The following NBEA variants were observed in gnomAD, a reference collection of about 807,000 sequenced individuals.
NBEA encodes neurobeachin.
A neutral mutation model predicts 343.4 loss-of-function variants in NBEA; 44 were observed. The observed-to-expected ratio is 0.13, with a 90% CI of 0.10 to 0.16. The LOEUF (loss-of-function observed/expected upper bound fraction) is 0.16, where lower values mean the gene tolerates loss of function less well. Among genes scored for constraint, NBEA ranks in the 10% least tolerant of loss-of-function variants. NBEA has a pLI of 1.00. For missense variants in NBEA, 2,555 were observed against 3,631.3 expected (o/e 0.70, Z 7.62); for synonymous variants, 1,175 against 1,238.7 (o/e 0.95, Z 1.08).
intron 41 of NBEA, among the ~76,000 whole-genome samples, chr13:35,490,610 G>A (rs2076467683): frequency 6.6e-6 from 1 of 151,976 alleles, no homozygotes. Flanking sequence ...GGAACTTGAT[G>A]AAAAGTTGCA....
intron 11 of NBEA, among the ~76,000 whole-genome samples, chr13:35,098,976 G>T (rs535944384): frequency 1.3e-5 from 2 of 151,278 alleles, no homozygotes; most frequent in African/African-American, 4.9e-5. Flanking sequence ...ATCGCGTCAG[G>T]ATAAGGAGGG....
intron 38 of NBEA, among the ~76,000 whole-genome samples, chr13:35,401,777 T>C (rs1187983552): frequency 6.6e-6 from 1 of 151,764 alleles, no homozygotes; most frequent in African/African-American, 2.4e-5. Flanking sequence ...TATTTATATT[T>C]AGAATTAGAA....
At chr13:35,341,027 T>C (rs2152856580) in intron 36 of NBEA, among the ~76,000 whole-genome samples, 1 of 152,218 alleles carries the variant, frequency 6.6e-6, no homozygotes, top group African/African-American at 2.4e-5. Flanking sequence ...AGTGTGGTGC[T>C]AGTTAAAGAT....
Position 35,090,905 on chromosome 13 carries a change from A to C in NBEA, c.1572-7392A>C, listed in dbSNP as rs534773608. Among the ~76,000 whole-genome samples, 3 of 152,120 alleles carry C rather than the reference A, an allele frequency of 2.0e-5. No individual in the cohort carries two copies. The South Asian group carries it at 6.2e-4, about 32-fold the overall frequency. Reference sequence around the variant, plus strand: ...AGAGCAGAATTCACAGTGCCTTTGAACTGGAAGTGAGTTCACTATACTTTT... The same window carrying C: ...AGAGCAGAATTCACAGTGCCTTTGACCTGGAAGTGAGTTCACTATACTTTT... On this transcript the variant is annotated intron_variant, in intron 10 of 58. Transcript: ENST00000379939.
intron 30 of NBEA, among the ~76,000 whole-genome samples, 166 bp from the exon 31 acceptor site, chr13:35,195,698 G>A (rs557176819): frequency 3.9e-4 from 60 of 152,132 alleles, no homozygotes; most frequent in Middle Eastern, 6.8e-3. Context: ...TGTCTGGCTG[G>A]ATGATATCTT....
intron 36 of NBEA, among the ~76,000 whole-genome samples, chr13:35,318,997 T>C (rs113989654): frequency 0.014 from 2,154 of 152,278 alleles, 52 homozygotes; most frequent in African/African-American, 0.049. Context: ...TCTGTTTTCT[T>C]TTTTATTATT....
chr13:35,417,984 C>T (rs541760154), intron 38 of NBEA, among the ~76,000 whole-genome samples: 1 of 152,268 alleles, frequency 6.6e-6, no homozygotes, highest in Admixed American at 6.5e-5. Flanking sequence ...GATCCCTTTA[C>T]CATTATGTAA....
At position 35,660,636 on chromosome 13, in the gene NBEA, C is replaced by G. The variant is rs1469186047; in HGVS notation, c.8363-4449C>G. Reference sequence around the variant, plus strand: ...CCTCCTGCCAGCCACAACCTGTCACCAAACATCTGCCAAATCACATCCCTC... The same window carrying G: ...CCTCCTGCCAGCCACAACCTGTCACGAAACATCTGCCAAATCACATCCCTC... On this transcript the variant is annotated intron_variant, in intron 55 of 58. Transcript: ENST00000379939. 2.6e-5 allele frequency among the ~76,000 whole-genome samples: 4 copies of G among 152,274 alleles called. No individual in the cohort carries two copies. The East Asian group carries it at 7.7e-4, about 29-fold the overall frequency.
intron 34 of NBEA, among the ~76,000 whole-genome samples, chr13:35,260,539 G>C (rs964194166): frequency 5.3e-5 from 8 of 152,202 alleles, no homozygotes; most frequent in African/African-American, 1.9e-4. Context: ...GGAATTTCCA[G>C]TAAATCACAG....
intron 41 of NBEA, among the ~76,000 whole-genome samples, chr13:35,482,631 A>C (rs549329921): frequency 1.1e-4 from 17 of 151,862 alleles, no homozygotes; most frequent in South Asian, 2.1e-4. Flanking sequence ...GATTAAAAAA[A>C]AAAAAGTGGG....
chr13:35,346,053 G>A (rs543805111), intron 36 of NBEA, among the ~76,000 whole-genome samples: 1 of 151,952 alleles, frequency 6.6e-6, no homozygotes, highest in African/African-American at 2.4e-5. Flanking sequence ...CCCAAGATAG[G>A]GGAACAGACT....
At chr13:35,446,027 T>A (rs2152940958) in intron 39 of NBEA, among the ~76,000 whole-genome samples, 1 of 151,320 alleles carries the variant, frequency 6.6e-6, no homozygotes, top group East Asian at 2.0e-4. Flanking sequence ...CCAAGTGTTC[T>A]CATTGTTCAA....
At chr13:35,658,069 A>G (rs2084904114) in intron 55 of NBEA, among the ~76,000 whole-genome samples, 1 of 152,180 alleles carries the variant, frequency 6.6e-6, no homozygotes, top group African/African-American at 2.4e-5. Flanking sequence ...ATACAATAAT[A>G]TTTAAATTAT....
At chr13:35,243,811 C>T (rs1164993862) in intron 34 of NBEA, among the ~76,000 whole-genome samples, 4 of 151,876 alleles carry the variant, frequency 2.6e-5, no homozygotes, top group Non-Finnish European at 5.9e-5. Context: ...GGGAGACATT[C>T]ATATCCCAAT....
At chr13:35,244,684 A>G (rs1009066978) in intron 34 of NBEA, among the ~76,000 whole-genome samples, 1 of 151,922 alleles carries the variant, frequency 6.6e-6, no homozygotes, top group South Asian at 2.1e-4. Context: ...AATTGCATTG[A>G]ATTTGTAGAT....
At chr13:35,292,842 A>G (rs2035885573) in intron 35 of NBEA, among the ~76,000 whole-genome samples, 1 of 152,064 alleles carries the variant, frequency 6.6e-6, no homozygotes, top group African/African-American at 2.4e-5. Context: ...TTATTTGCAT[A>G]AAATATGCTT....
At chr13:35,118,333 AT>A in intron 15 of NBEA, 43 bp downstream of exon 15, 1 of 1,571,154 alleles carries the variant, frequency 6.4e-7, no homozygotes, top group Non-Finnish European at 8.7e-7. Context: ...ATTTAAGCCA[AT>A]CTTTAGAGTA....
chr13:35,210,796 A>G (rs1196837928), intron 32 of NBEA, among the ~76,000 whole-genome samples: 1 of 152,034 alleles, frequency 6.6e-6, no homozygotes, highest in African/African-American at 2.4e-5. Context: ...TCATTTCTTG[A>G]TGTTTTTTAT....
At chr13:35,423,640 T>A (rs865942857) in intron 38 of NBEA, among the ~76,000 whole-genome samples, 1 of 152,158 alleles carries the variant, frequency 6.6e-6, no homozygotes, top group African/African-American at 2.4e-5. Context: ...TGGGCTCTTT[T>A]TTGGTTCCAT....
Sources: gnomAD v4.1 joint callset for allele counts (sites outside exome capture counted in the v4.1 genomes callset) on GRCh38, gnomAD v4.1.1 for gene constraint, MANE v1.5 for transcripts, NCBI Gene and HGNC (gene_info 2026-07-23, HGNC 2026-07-21) for gene names.